ZRANB3: variants seen among roughly 807,000 people sequenced by gnomAD.
The protein encoded by ZRANB3 is DNA annealing helicase and endonuclease ZRANB3.
Under a neutral mutation model 133.8 loss-of-function variants are expected in ZRANB3, and 125 were observed. That is an observed-to-expected ratio of 0.93 (90% CI 0.81 to 1.08). The LOEUF (loss-of-function observed/expected upper bound fraction) is 1.08. Among genes scored for constraint, ZRANB3 ranks in the 50% least tolerant of loss-of-function variants. ZRANB3 has a pLI of 0.00. For missense variants in ZRANB3, 1,229 were observed against 1,275.5 expected, an observed-to-expected ratio of 0.96 and a Z score of 0.56; for synonymous variants, 387 against 432.7, an observed-to-expected ratio of 0.89 and a Z score of 1.31.
At chr2:135,418,363 C>CT (rs1387037971) in intron 2 of ZRANB3, among the ~76,000 whole-genome samples, 3 of 152,138 alleles carry the variant, frequency 2.0e-5, no homozygotes, top group African/African-American at 7.2e-5. Context: ...CAAGGGATGA[C>CT]TATACTATTG....
intron 2 of ZRANB3, among the ~76,000 whole-genome samples, chr2:135,427,282 T>C (rs1220761748): frequency 5.3e-5 from 8 of 152,074 alleles, no homozygotes; most frequent in Non-Finnish European, 1.0e-4. Flanking sequence ...CTATCTCTAT[T>C]TGCAGATGAT....
At chr2:135,364,375 C>T (rs1438772864) in intron 3 of ZRANB3, among the ~76,000 whole-genome samples, 1 of 152,128 alleles carries the variant, frequency 6.6e-6, no homozygotes, top group Admixed American at 6.5e-5. Flanking sequence ...TCTTGACTGA[C>T]CTTTAATTAC....
intron 2 of ZRANB3, among the ~76,000 whole-genome samples, chr2:135,485,437 T>G (rs184276922): frequency 2.8e-4 from 42 of 152,312 alleles, no homozygotes. Context: ...CCATCTTTCT[T>G]TTGATTCAGA....
chr2:135,469,391 T>C (rs185788063), intron 2 of ZRANB3, among the ~76,000 whole-genome samples: 31 of 152,320 alleles, frequency 2.0e-4, no homozygotes, highest in Admixed American at 2.6e-4. Context: ...ATCACAGCTT[T>C]AGTTACATGA....
intron 2 of ZRANB3, among the ~76,000 whole-genome samples, chr2:135,447,869 G>A (rs1690092687): frequency 6.6e-6 from 1 of 152,114 alleles, no homozygotes; most frequent in African/African-American, 2.4e-5. Context: ...GGAAACAAGG[G>A]AAATGACAGT....
At chr2:135,235,003 G>A (rs1695220740) in intron 12 of ZRANB3, among the ~76,000 whole-genome samples, 1 of 152,104 alleles carries the variant, frequency 6.6e-6, no homozygotes, top group African/African-American at 2.4e-5. Context: ...TCCAGGAGCT[G>A]GTTTTTTGAA....
In ZRANB3 at chr2:135,235,783, T is replaced by C. The variant is rs961214880; in HGVS notation, c.1540-4856A>G. 7.9e-4 allele frequency among the ~76,000 whole-genome samples: 119 copies of C among 150,786 alleles called. 1 individual carries two copies. Among genetic ancestry groups the C allele is most frequent in the African/African-American group, 2.6e-3 (105 of 40,864 alleles). On this transcript the variant is annotated intron_variant, in intron 12 of 20. Coordinates refer to ENST00000264159, the MANE Select transcript of ZRANB3 (RefSeq NM_032143.4). The stretch of plus-strand genomic sequence containing the variant: ...CAATAAATTAGGTATTGATGGGATT[T>C]ATCTCAAAATAATAAGAGCTATCTA...
chr2:135,315,984 T>C (rs1275541618), intron 6 of ZRANB3, among the ~76,000 whole-genome samples: 1 of 152,190 alleles, frequency 6.6e-6, no homozygotes, highest in African/African-American at 2.4e-5. Context: ...TTATCTCCAA[T>C]AGGGCTGTTA....
intron 2 of ZRANB3, among the ~76,000 whole-genome samples, chr2:135,482,735 A>T (rs1261104811): frequency 6.6e-6 from 1 of 152,174 alleles, no homozygotes; most frequent in African/African-American, 2.4e-5. Context: ...CCCATTCAGT[A>T]TGATACTGGC....
chr2:135,255,111 A>G lies in ZRANB3; in HGVS notation c.1539+10423T>C, dbSNP rs111827921. 3.0e-3 allele frequency among the ~76,000 whole-genome samples: 450 copies of G among 152,244 alleles called. 3 individuals carry two copies. Among genetic ancestry groups the G allele is most frequent in the African/African-American group, 0.01 (419 of 41,542 alleles). The stretch of plus-strand genomic sequence containing the variant: ...ATACTCATTAGGCAATGTTAAATAA[A>G]ATGTATGTGAAGCCATTGTTTTAGT... On this transcript the variant is annotated intron_variant, in intron 12 of 20. Transcript: ENST00000264159.
intron 6 of ZRANB3, among the ~76,000 whole-genome samples, chr2:135,338,631 CTTTT>C: frequency 6.6e-6 from 1 of 152,168 alleles, no homozygotes; most frequent in Non-Finnish European, 1.5e-5. Flanking sequence ...CTGTAATTTC[CTTTT>C]CTTTCAACAC....
rs368812483 is a variant in ZRANB3, at chr2:135,392,355, A to AG, written c.162-1536dup. 9.5e-3 allele frequency among the ~76,000 whole-genome samples: 777 copies of AG among 81,892 alleles called. 5 individuals carry two copies. Among genetic ancestry groups the AG allele is most frequent in the East Asian group, 0.04 (108 of 2,700 alleles). The allele number at this position is 81,892 out of a possible 152,430, so 53.7% of individuals were successfully genotyped here. On this transcript the variant is annotated intron_variant, in intron 2 of 20. Transcript: ENST00000264159. ...AAAATGAAAATACAAAAAAAAAAAA[A>AG]GGGGGGGGGGGCAGGAAAAAAACTT...
At chr2:135,438,781 TA>T (rs1000884282) in intron 2 of ZRANB3, among the ~76,000 whole-genome samples, 5 of 152,084 alleles carry the variant, frequency 3.3e-5, no homozygotes, top group Admixed American at 3.3e-4. Context: ...TCAATCTGAC[TA>T]AAAAAATATC....
rs9789620 is a variant in ZRANB3, at chr2:135,401,721, T to C, written c.162-10901A>G. Reference sequence around the variant, plus strand: ...TGGAACCGTAATAGCTGCTTTGTGATCTACTAGGCAGAAAAGGACAAGAAG... The same window carrying C: ...TGGAACCGTAATAGCTGCTTTGTGACCTACTAGGCAGAAAAGGACAAGAAG... On this transcript the variant is annotated intron_variant, in intron 2 of 20. Coordinates refer to ENST00000264159, the MANE Select transcript of ZRANB3 (RefSeq NM_032143.4). Among the ~76,000 whole-genome samples, 85 of 152,322 alleles carry C rather than the reference T, an allele frequency of 5.6e-4. 2 individuals are homozygous for C. In the East Asian group the frequency reaches 0.013, roughly 22 times the overall value.
chr2:135,392,911 C>T lies in ZRANB3; in HGVS notation c.162-2091G>A, dbSNP rs887553786. 7.9e-5 allele frequency among the ~76,000 whole-genome samples: 12 copies of T among 151,884 alleles called. No individual in the cohort carries two copies. The East Asian group carries it at 1.2e-3, about 15-fold the overall frequency. On this transcript the variant is annotated intron_variant, in intron 2 of 20. Transcript: ENST00000264159. ...TTTTTTTTTTTCTGAGACAGTCTCC[C>T]TTTGTCACTCAGGCTAGAGGGCAGT...
At chr2:135,429,775 C>T (rs4953951) in intron 2 of ZRANB3, among the ~76,000 whole-genome samples, 40,639 of 152,000 alleles carry the variant, frequency 0.27, 9,090 homozygotes, top group African/African-American at 0.6. Flanking sequence ...AGGAGGCAGC[C>T]ATTTTAACAA....
chr2:135,234,932 T>C (rs993943419), intron 12 of ZRANB3, among the ~76,000 whole-genome samples: 1 of 152,004 alleles, frequency 6.6e-6, no homozygotes, highest in Non-Finnish European at 1.5e-5. Flanking sequence ...AAGAAATAAC[T>C]AAGATCAGAG....
At chr2:135,268,158 C>CTT (rs370165216) in intron 11 of ZRANB3, among the ~76,000 whole-genome samples, 1 of 149,520 alleles carries the variant, frequency 6.7e-6, no homozygotes, top group South Asian at 2.1e-4. Flanking sequence ...TAATCTAACC[C>CTT]TTTTTTTTTT....
intron 9 of ZRANB3, among the ~76,000 whole-genome samples, chr2:135,274,882 G>C (rs1045195090): frequency 6.6e-6 from 1 of 152,118 alleles, no homozygotes; most frequent in Non-Finnish European, 1.5e-5. Flanking sequence ...CTTGCACCAC[G>C]CTTAATCCAT....
Sources: allele counts gnomAD v4.1 joint callset (sites outside exome capture counted in the v4.1 genomes callset), GRCh38; gene constraint gnomAD v4.1.1; transcripts MANE v1.5; gene names NCBI Gene and HGNC (gene_info 2026-07-23, HGNC 2026-07-21).